Variants in SBK1 observed in about 807,000 individuals in gnomAD.
SBK1 encodes SH3 domain binding kinase 1, also known as serine/threonine-protein kinase SBK1.
Under a neutral mutation model 24.4 loss-of-function variants are expected in SBK1, and 11 were observed. That is an observed-to-expected ratio of 0.45 (90% CI 0.28 to 0.75). The LOEUF (loss-of-function observed/expected upper bound fraction) is 0.75. SBK1 is among the 30% of genes least tolerant of loss of function. The pLI is 0.12. For synonymous variants in SBK1, 308 were observed against 284.4 expected, an observed-to-expected ratio of 1.08 and a Z score of -0.83; for missense variants, 467 against 620.5, an observed-to-expected ratio of 0.75 and a Z score of 2.63.
At chr16:28,309,257 C>T (rs896754365) in intron 1 of SBK1, among the ~76,000 whole-genome samples, 3 of 152,158 alleles carry the variant, frequency 2.0e-5, no homozygotes, top group South Asian at 2.1e-4. Flanking sequence ...AGGCTGACAG[C>T]GACACACATA....
At chr16:28,300,241 T>C (rs562788504) in intron 1 of SBK1, among the ~76,000 whole-genome samples, 6 of 152,400 alleles carry the variant, frequency 3.9e-5, no homozygotes, top group East Asian at 3.9e-4. Context: ...TGGAGCCAGA[T>C]AGATGATCTC....
rs1034636102 is a variant in SBK1, at chr16:28,270,651, T to C, written c.257+11149T>C. On this transcript the variant is annotated intron_variant, in intron 1 of 3. Coordinates refer to the SBK1 transcript ENST00000671413. ...GTTGCCCAGGCTGGTCTTGAACTCC[T>C]GGCTCAAGTGATCCTCCCATTTCAG... 5.9e-4 allele frequency among the ~76,000 whole-genome samples: 89 copies of C among 151,706 alleles called. 1 individual carries two copies. The highest frequency in any genetic ancestry group is 2.1e-3 in the African/African-American group (86 of 41,276).
rs34675302 is a variant in SBK1, at chr16:28,319,315, A to G, written c.429+118A>G. Reference sequence around the variant, plus strand: ...ATTTACTGGGTGCCTGCTGTATGTCAGTTACCATTTGGGGAGGTGGGGATG... The same window carrying G: ...ATTTACTGGGTGCCTGCTGTATGTCGGTTACCATTTGGGGAGGTGGGGATG... On this transcript the variant is annotated intron_variant, in intron 3 of 3. Transcript: ENST00000341901. This position sits in a 1 kb window ranked among gnomAD's most constrained non-coding sequence, Gnocchi z 4.0. The G allele has an allele frequency of 0.027, 20,892 of 773,962 alleles. 386 individuals carry two copies. Among genetic ancestry groups the G allele is most frequent in the Non-Finnish European group, 0.037 (16,846 of 461,288 alleles). The allele number at this position is 773,962 out of a possible 1,614,324, so 47.9% of individuals were successfully genotyped here. A position where few individuals can be genotyped will look rare whatever the true frequency, so the allele number is the denominator to read the frequency against.
At chr16:28,288,915 T>C (rs2044582646), upstream of SBK1, among the ~76,000 whole-genome samples, 1 of 152,170 alleles carries the variant, frequency 6.6e-6, no homozygotes, top group South Asian at 2.1e-4. Context: ...TCCCTCCCTG[T>C]AGAACTGAGA....
At position 28,320,749 on chromosome 16, in the gene SBK1, C is replaced by A. The variant is rs909464891; in HGVS notation, c.1103C>A (p.Pro368His). 2.4e-6 allele frequency: 3 copies of A among 1,248,816 alleles called. No individual in the cohort carries two copies. Among genetic ancestry groups the A allele is most frequent in the Non-Finnish European group, 3.0e-6 (3 of 987,142 alleles). The allele number at this position is 1,248,816 out of a possible 1,614,324, so 77.4% of individuals were successfully genotyped here. ...ESGSGSRPAP[P>H]AVGSVPLPVP... is the part of the protein sequence containing the mutation. ...GGCAGCGGCTCCCGGCCCGCGCCCC[C>A]CGCCGTCGGGTCGGTGCCCTTGCCC... Residue 368 changes from proline to histidine, a missense_variant, in exon 4 of 4, where the codon CCC becomes CAC. Coordinates refer to ENST00000341901, the MANE Select transcript of SBK1 (RefSeq NM_001024401.3). This position sits in a 1 kb window ranked among gnomAD's most constrained non-coding sequence, Gnocchi z 8.5.
chr16:28,315,209 T>C lies in SBK1; in HGVS notation c.-7-2176T>C, dbSNP rs2044785971. ...ACAGATGAGAAATGAATGCCCAGAG[T>C]GGTTGCCTGGAAGACCGGGGTTGGG... On this transcript the variant is annotated intron_variant, in intron 1 of 3. Coordinates refer to ENST00000341901, the MANE Select transcript of SBK1 (RefSeq NM_001024401.3). 2.8e-5 allele frequency among the ~76,000 whole-genome samples: 4 copies of C among 144,584 alleles called. 1 individual carries two copies. In the South Asian group the frequency reaches 8.8e-4, roughly 32 times the overall value. The allele number at this position is 144,584 out of a possible 152,430, so 94.9% of individuals were successfully genotyped here.
At position 28,287,297 on chromosome 16, in the gene SBK1, A is replaced by AAAAAAAAT. The variant is rs1388307784; in HGVS notation, c.257+27797_257+27798insAAAAATAA. 1.0e-4 allele frequency among the ~76,000 whole-genome samples: 15 copies of AAAAAAAAT among 149,086 alleles called. No individual in the cohort carries two copies. The South Asian group carries it at 1.5e-3, about 15-fold the overall frequency. On this transcript the variant is annotated intron_variant, in intron 1 of 3. Coordinates refer to the SBK1 transcript ENST00000671413. ...CTCTACTAAAAATACAAAAAAAAAA[A>AAAAAAAAT]AATTAGCTGGGCATGGTGGCACGTG... is the stretch of plus-strand genomic sequence containing the variant.
chr16:28,277,369 A>G (rs1052967243), intron 1 of SBK1, among the ~76,000 whole-genome samples: 1 of 151,812 alleles, frequency 6.6e-6, no homozygotes, highest in African/African-American at 2.4e-5. Flanking sequence ...AAAAGACAAC[A>G]GGGGAGTAAC....
chr16:28,264,104 A>C (rs944989093), intron 1 of SBK1, among the ~76,000 whole-genome samples: 14 of 152,276 alleles, frequency 9.2e-5, no homozygotes, highest in African/African-American at 3.4e-4. Context: ...ACTTTAGCCT[A>C]GGTGACACAG....
chr16:28,277,198 C>A (rs188838738), intron 1 of SBK1, among the ~76,000 whole-genome samples: 1 of 151,638 alleles, frequency 6.6e-6, no homozygotes, highest in Admixed American at 6.6e-5. Flanking sequence ...GCTGAGAACT[C>A]CTCTGTTCTC....
At chr16:28,315,688 G>A (rs1169781616) in intron 1 of SBK1, among the ~76,000 whole-genome samples, 1 of 152,212 alleles carries the variant, frequency 6.6e-6, no homozygotes, top group Non-Finnish European at 1.5e-5. Flanking sequence ...TTGAGCCCAG[G>A]AGTTCGAGGC....
chr16:28,272,624 T>C (rs976816109), intron 1 of SBK1, among the ~76,000 whole-genome samples: 5 of 137,096 alleles, frequency 3.6e-5, no homozygotes, highest in African/African-American at 1.1e-4. Context: ...TCTTTCTTTT[T>C]TTTTTTTTTT....
chr16:28,282,550 C>A (rs1203812545), intron 1 of SBK1, among the ~76,000 whole-genome samples: 1 of 152,156 alleles, frequency 6.6e-6, no homozygotes, highest in Non-Finnish European at 1.5e-5. Flanking sequence ...CTGGGAGCTC[C>A]TGAAGGCACA....
At chr16:28,264,246 G>A (rs977233551) in intron 1 of SBK1, among the ~76,000 whole-genome samples, 6 of 152,188 alleles carry the variant, frequency 3.9e-5, no homozygotes, top group South Asian at 2.1e-4. Context: ...TTGCAGAGGT[G>A]CATGGGTGAT....
At chr16:28,300,041 C>A (rs1302911114) in intron 1 of SBK1, among the ~76,000 whole-genome samples, 1 of 152,260 alleles carries the variant, frequency 6.6e-6, no homozygotes, top group Non-Finnish European at 1.5e-5. Context: ...CTCTTTCCCG[C>A]TCTGCTGTTC....
chr16:28,322,956 CTCTCTCT>C lies in SBK1; in HGVS notation c.*2036_*2042del, dbSNP rs2044867943. ...CCTCTCTCTCTCTCTCTCTCTCTCTCTCTCTCTCTCTCTCTCTCTCTCTCCTCTCTTT... is the reference window on the plus strand; with the variant it reads ...CCTCTCTCTCTCTCTCTCTCTCTCTCCTCTCTCTCTCTCTCTCCTCTCTTT... On this transcript the variant is annotated 3_prime_UTR_variant, in exon 4 of 4. Transcript: ENST00000341901. The C allele has an allele frequency of 1.7e-5, 2 of 116,026 alleles. No homozygotes were observed. Among genetic ancestry groups the C allele is most frequent in the African/African-American group, 6.9e-5 (2 of 28,864 alleles). The allele number at this position is 116,026 out of a possible 1,614,324, so 7.2% of individuals were successfully genotyped here.
rs1596554556 is a variant in SBK1, at chr16:28,317,674, T to A, written c.226+57T>A. 27 of 1,185,044 alleles carry A rather than the reference T, an allele frequency of 2.3e-5. No homozygotes were observed. In the South Asian group the frequency reaches 3.2e-4, roughly 14 times the overall value. The allele number at this position is 1,185,044 out of a possible 1,614,324, so 73.4% of individuals were successfully genotyped here. ...GTTGGGGTGGGGCAGGGCTGGGAGG[T>A]CAGGGTTGGGGGACATGACCTTGCA... On this transcript the variant is annotated intron_variant, in intron 2 of 3. Coordinates refer to ENST00000341901, the MANE Select transcript of SBK1 (RefSeq NM_001024401.3). The surrounding 1 kb of genome is among the most constrained non-coding windows in gnomAD (Gnocchi z 4.2).
chr16:28,284,706 A>G (rs1173647883), intron 1 of SBK1, among the ~76,000 whole-genome samples: 1 of 152,252 alleles, frequency 6.6e-6, no homozygotes, highest in African/African-American at 2.4e-5. Context: ...TTGGGAGGCC[A>G]TGGCGAGTGG....
At chr16:28,318,732 A>G (rs2044816154) in intron 2 of SBK1, among the ~76,000 whole-genome samples, 1 of 152,206 alleles carries the variant, frequency 6.6e-6, no homozygotes, top group Non-Finnish European at 1.5e-5. Context: ...GGACAAAATG[A>G]GAGAGGTGGA....
Sources: gnomAD v4.1 joint callset for allele counts (sites outside exome capture counted in the v4.1 genomes callset) on GRCh38, gnomAD v4.1.1 for gene constraint, Gnocchi (gnomAD v3.1) non-coding constraint, MANE v1.5 for transcripts, NCBI Gene and HGNC (gene_info 2026-07-23, HGNC 2026-07-21) for gene names.